IFT74: variants seen among roughly 807,000 people sequenced by gnomAD.
The protein encoded by IFT74 is intraflagellar transport 74.
Under a neutral mutation model 96.7 loss-of-function variants are expected in IFT74, and 92 were observed. The observed-to-expected ratio is 0.95, with a 90% CI of 0.80 to 1.13. The LOEUF (loss-of-function observed/expected upper bound fraction) is 1.13, where lower values mean the gene tolerates loss of function less well. Among genes scored for constraint, IFT74 ranks in the 50% most tolerant of loss-of-function variants. The probability of loss-of-function intolerance (pLI) is 0.00; values close to 1 mark genes in which losing one functional copy is unlikely to be tolerated. For synonymous variants in IFT74, 223 were observed against 213.2 expected (o/e 1.05, Z -0.40); for missense variants, 811 against 698.2 (o/e 1.16, Z -1.82).
intron 2 of IFT74, among the ~76,000 whole-genome samples, chr9:26,973,111 C>T (rs904006870): frequency 2.0e-5 from 3 of 152,158 alleles, no homozygotes; most frequent in Admixed American, 6.5e-5. Flanking sequence ...AAATATGTCT[C>T]GGCTATCCTC....
chr9:26,967,111 A>G (rs567287574), intron 2 of IFT74, among the ~76,000 whole-genome samples: 3 of 142,234 alleles, frequency 2.1e-5, no homozygotes, highest in East Asian at 4.1e-4. Flanking sequence ...AAATTTTAGG[A>G]TTTTTTTTTC....
intron 13 of IFT74, among the ~76,000 whole-genome samples, chr9:27,033,328 G>T (rs192881092): frequency 1.8e-4 from 27 of 151,966 alleles, no homozygotes; most frequent in South Asian, 8.3e-4. Context: ...GAGGCTGAGG[G>T]GGGTGGATTG....
chr9:27,009,111 C>A lies in IFT74; in HGVS notation c.679C>A (p.Gln227Lys), dbSNP rs558577216. 3.1e-6 allele frequency: 5 copies of A among 1,612,658 alleles called. No individual in the cohort carries two copies. In the South Asian group the frequency reaches 3.3e-5, roughly 11 times the overall value. ...DIIKNMSFEN[Q>K]VKYLEMKTTN... is the part of the protein sequence containing the mutation. ...TATCAAAAATATGTCTTTTGAAAAC[C>A]AAGTCAAGTACCTAGAGATGAAAAC... Residue 227 changes from glutamine (Q) to lysine (K), a missense_variant, in exon 9 of 20, where the codon CAA becomes AAA. Transcript: ENST00000380062.
At chr9:26,984,723 T>G (rs1172099854) in intron 6 of IFT74, among the ~76,000 whole-genome samples, 164 bp downstream of exon 6, 1 of 152,186 alleles carries the variant, frequency 6.6e-6, no homozygotes, top group Admixed American at 6.5e-5. Flanking sequence ...TCACTGATGA[T>G]GATTAGGGAA....
Position 27,017,051 on chromosome 9 carries a change from GT to G in IFT74, c.933+2del, listed in dbSNP as rs1829380314. Reference sequence around the variant, plus strand: ...AGAGAGAGAGAAATTACTTAAGCAGGTGGGCAAAACAAACATACTTATTTTA... The same window carrying G: ...AGAGAGAGAGAAATTACTTAAGCAGGGGGCAAAACAAACATACTTATTTTA... On this transcript the variant is annotated splice_donor_variant, in intron 11 of 19. Coordinates refer to ENST00000380062, the MANE Select transcript of IFT74 (RefSeq NM_025103.4). LOFTEE classifies it high-confidence loss of function. 6.3e-7 allele frequency: 1 copy of G among 1,596,914 alleles called. No homozygotes were observed. The highest frequency in any genetic ancestry group is 8.5e-7 in the Non-Finnish European group (1 of 1,174,452).
intron 18 of IFT74, among the ~76,000 whole-genome samples, chr9:27,057,064 A>T (rs1820199118): frequency 6.6e-6 from 1 of 152,120 alleles, no homozygotes; most frequent in Non-Finnish European, 1.5e-5. Flanking sequence ...ATTGACTTTT[A>T]AAAAATATTA....
intron 6 of IFT74, among the ~76,000 whole-genome samples, chr9:26,987,589 A>G (rs1343947996): frequency 6.6e-6 from 1 of 152,206 alleles, no homozygotes; most frequent in East Asian, 1.9e-4. Flanking sequence ...GTTAGGCCTT[A>G]TTAGCACTTA....
At chr9:27,009,938 T>G (rs1828971067) in intron 9 of IFT74, among the ~76,000 whole-genome samples, 1 of 152,024 alleles carries the variant, frequency 6.6e-6, no homozygotes, top group South Asian at 2.1e-4. Flanking sequence ...ATTCATCACC[T>G]CAAACATTTG....
chr9:26,975,874 C>T (rs1266426479), intron 2 of IFT74, among the ~76,000 whole-genome samples: 2 of 152,316 alleles, frequency 1.3e-5, no homozygotes, highest in South Asian at 4.1e-4. Context: ...GCTTTTTCCA[C>T]TCTGGCTGCT....
At chr9:27,026,688 A>G (rs1047800856) in intron 12 of IFT74, among the ~76,000 whole-genome samples, 1 of 152,200 alleles carries the variant, frequency 6.6e-6, no homozygotes, top group African/African-American at 2.4e-5. Flanking sequence ...AACCATGCAG[A>G]TACATGGAAA....
At chr9:26,971,151 C>T (rs1381992663) in intron 2 of IFT74, among the ~76,000 whole-genome samples, 1 of 152,188 alleles carries the variant, frequency 6.6e-6, no homozygotes, top group Non-Finnish European at 1.5e-5. Context: ...ATAGTCTCTA[C>T]ACAGTGAGTA....
intron 1 of IFT74, among the ~76,000 whole-genome samples, chr9:26,948,448 A>ATTATTATTATTATTATTTTTTTTTTTTT (rs1825819541): frequency 5.1e-5 from 3 of 59,162 alleles, no homozygotes; most frequent in Admixed American, 2.0e-4. Context: ...GCTTTCCATT[A>ATTATTATTATTATTATTTTTTTTTTTTT]TTTTTTTTTT....
chr9:26,954,531 CAGAT>C (rs1826021433), upstream of IFT74, among the ~76,000 whole-genome samples: 1 of 151,192 alleles, frequency 6.6e-6, no homozygotes, highest in Non-Finnish European at 1.5e-5. Context: ...TACCTTTTAA[CAGAT>C]AGGAATAGTA....
At chr9:27,010,224 C>T (rs535618036) in intron 9 of IFT74, among the ~76,000 whole-genome samples, 1 of 151,826 alleles carries the variant, frequency 6.6e-6, no homozygotes, top group African/African-American at 2.4e-5. Flanking sequence ...CGCCTGACCT[C>T]GTGATCCGCC....
At chr9:27,023,547 A>G (rs1829714553) in intron 12 of IFT74, among the ~76,000 whole-genome samples, 1 of 151,818 alleles carries the variant, frequency 6.6e-6, no homozygotes, top group East Asian at 1.9e-4. Flanking sequence ...ATGCTGCTGG[A>G]TTTGGTTGGC....
At chr9:27,019,689 G>A (rs1199600851) in intron 12 of IFT74, among the ~76,000 whole-genome samples, 1 of 151,616 alleles carries the variant, frequency 6.6e-6, no homozygotes, top group African/African-American at 2.4e-5. Context: ...ATTAATGGAT[G>A]TATGGGCTGT....
In IFT74 at chr9:26,947,110, G is replaced by A. The variant is rs113797892; in HGVS notation, c.-56G>A. ...CGAGACCAGTCCGCAGGGGCGACTC[G>A]GAGAGCGCCGGGCCGCGGCGGGAGA... On this transcript the variant is annotated 5_prime_UTR_variant, in exon 1 of 20. Coordinates refer to the IFT74 transcript ENST00000433700. 9,178 of 1,411,202 alleles carry A rather than the reference G, an allele frequency of 6.5e-3. 484 individuals carry two copies. In the African/African-American group the frequency reaches 0.12, roughly 18 times the overall value. The allele number at this position is 1,411,202 out of a possible 1,614,324, so 87.4% of individuals were successfully genotyped here. A position where few individuals can be genotyped will look rare whatever the true frequency, so the allele number is the denominator to read the frequency against.
chr9:26,985,108 A>G (rs550155154), intron 6 of IFT74, among the ~76,000 whole-genome samples: 2 of 152,212 alleles, frequency 1.3e-5, no homozygotes, highest in Non-Finnish European at 2.9e-5. Context: ...CTATACCATG[A>G]AATACTATGC....
intron 9 of IFT74, among the ~76,000 whole-genome samples, chr9:27,011,623 C>A (rs1829080782): frequency 6.7e-6 from 1 of 148,954 alleles, no homozygotes. Context: ...TAAGGTCTAG[C>A]TACTTTTGAG....
Sources: allele counts gnomAD v4.1 joint callset (sites outside exome capture counted in the v4.1 genomes callset), GRCh38; gene constraint gnomAD v4.1.1; transcripts MANE v1.5; gene names NCBI Gene and HGNC (gene_info 2026-07-23, HGNC 2026-07-21).